The following ZNF521 variants were observed in gnomAD, a reference collection of about 807,000 sequenced individuals.
ZNF521 encodes zinc finger protein 521.
ZNF521 carries 14 observed loss-of-function variants against 105.5 expected under a neutral mutation model. That is an observed-to-expected ratio of 0.13 (90% CI 0.09 to 0.21). The LOEUF is 0.21. ZNF521 is among the 10% of genes least tolerant of loss of function. The pLI, the probability that ZNF521 is intolerant of heterozygous loss-of-function variation, is 1.00. For synonymous variants in ZNF521, 635 were observed against 606.0 expected, an observed-to-expected ratio of 1.05 and a Z score of -0.70; for missense variants, 1,233 against 1,629.7, an observed-to-expected ratio of 0.76 and a Z score of 4.19.
chr18:25,226,131 T>A lies in ZNF521; in HGVS notation c.1787A>T (p.His596Leu), dbSNP rs1906111358. The A allele has an allele frequency of 6.2e-7, 1 of 1,614,078 alleles. No homozygotes were observed. Reference protein sequence around the residue: ...KNIPLALNYIHNGKKSRALSP... With the variant: ...KNIPLALNYILNGKKSRALSP... ...TAAGGCCCTGGATTTCTTCCCATTG[T>A]GGATATAATTCAGGGCCAAGGGAAT... The change falls in exon 4 of 8, where the codon CAC becomes CTC. Residue 596 changes from histidine (H) to leucine (L), a missense_variant. Transcript: ENST00000361524. The surrounding 1 kb of genome is among the most constrained non-coding windows in gnomAD (Gnocchi z 4.1).
chr18:25,247,827 C>CA lies in ZNF521; in HGVS notation c.221-20131dup, dbSNP rs573203889. Among the ~76,000 whole-genome samples, 282 of 151,756 alleles carry CA rather than the reference C, an allele frequency of 1.9e-3. 1 individual carries two copies. Among genetic ancestry groups the CA allele is most frequent in the African/African-American group, 6.5e-3 (269 of 41,394 alleles). ...GCTATGGCAATGGTCCAGTGAGAGG[C>CA]AAAAAAACCTAAAGTGAAGGAGTAT... On this transcript the variant is annotated intron_variant, in intron 3 of 7. Transcript: ENST00000361524.
chr18:25,145,677 G>T (rs764830422), intron 5 of ZNF521, among the ~76,000 whole-genome samples: 33 of 152,176 alleles, frequency 2.2e-4, no homozygotes, highest in Middle Eastern at 3.4e-3. Context: ...AAGGACAAAA[G>T]ACTTAAGAAG....
At chr18:25,317,345 T>C (rs1912695317) in intron 3 of ZNF521, among the ~76,000 whole-genome samples, 1 of 152,218 alleles carries the variant, frequency 6.6e-6, no homozygotes, top group African/African-American at 2.4e-5. Context: ...TAAAGTTGTA[T>C]GAGACAGGAA....
chr18:25,099,155 T>C (rs546926197), intron 5 of ZNF521, among the ~76,000 whole-genome samples: 2 of 152,158 alleles, frequency 1.3e-5, no homozygotes, highest in Non-Finnish European at 2.9e-5. Context: ...CCTAGAACAG[T>C]ACATGGCTCA....
At chr18:25,289,068 G>C (rs189607315) in intron 3 of ZNF521, among the ~76,000 whole-genome samples, 19 of 152,094 alleles carry the variant, frequency 1.2e-4, no homozygotes, top group African/African-American at 4.3e-4. Flanking sequence ...ACAACATATG[G>C]CTTCCATTTA....
At chr18:25,350,566 G>A (rs1446703116) in intron 2 of ZNF521, among the ~76,000 whole-genome samples, 1 of 152,014 alleles carries the variant, frequency 6.6e-6, no homozygotes, top group Non-Finnish European at 1.5e-5. Flanking sequence ...CTCCAGCCCA[G>A]ATGTAGATCT....
chr18:25,125,769 T>C (rs1236641430), intron 5 of ZNF521, among the ~76,000 whole-genome samples: 1 of 151,844 alleles, frequency 6.6e-6, no homozygotes, highest in East Asian at 1.9e-4. Context: ...ATGATTTGGT[T>C]GTGGTTTTGC....
intron 7 of ZNF521, among the ~76,000 whole-genome samples, chr18:25,079,039 TTTAAG>T (rs1244306783): frequency 1.3e-5 from 2 of 152,216 alleles, no homozygotes; most frequent in Non-Finnish European, 2.9e-5. Flanking sequence ...CCACTGCTCT[TTTAAG>T]TGAAGTTCTG....
rs1233519214 is a variant in ZNF521 at position 25,205,936 on chromosome 18, C to T, written c.3574-10692G>A. Among the ~76,000 whole-genome samples, 3 of 152,144 alleles carry T rather than the reference C, an allele frequency of 2.0e-5. No individual in the cohort carries two copies. In the South Asian group the frequency reaches 6.2e-4, roughly 32 times the overall value. ...TCAGAATTATTTCAATAAAACTGAT[C>T]CTGAACAGCTATAAGCTCTTTAAGG... On this transcript the variant is annotated intron_variant, in intron 4 of 7. Coordinates refer to ENST00000361524, the MANE Select transcript of ZNF521 (RefSeq NM_015461.3).
At chr18:25,077,750 G>A (rs922725798) in intron 7 of ZNF521, among the ~76,000 whole-genome samples, 5 of 152,022 alleles carry the variant, frequency 3.3e-5, no homozygotes, top group Admixed American at 6.6e-5. Flanking sequence ...ATTGCAAATG[G>A]TACTGATTTT....
At chr18:25,245,854 A>G (rs528583913) in intron 3 of ZNF521, among the ~76,000 whole-genome samples, 2 of 152,234 alleles carry the variant, frequency 1.3e-5, no homozygotes, top group Non-Finnish European at 2.9e-5. Flanking sequence ...TCTACAAAAA[A>G]TTTAAAAATT....
At chr18:25,192,808 A>G (rs1018145995) in intron 5 of ZNF521, among the ~76,000 whole-genome samples, 3 of 152,036 alleles carry the variant, frequency 2.0e-5, no homozygotes, top group African/African-American at 7.2e-5. Context: ...GCACATTGGA[A>G]TTCTAAAAAG....
intron 3 of ZNF521, among the ~76,000 whole-genome samples, chr18:25,270,211 CT>C (rs1909558748): frequency 6.6e-6 from 1 of 151,992 alleles, no homozygotes; most frequent in African/African-American, 2.4e-5. Flanking sequence ...GGGACACAAA[CT>C]AAAGACTAAA....
chr18:25,160,368 T>A (rs1382982538), intron 5 of ZNF521, among the ~76,000 whole-genome samples: 3 of 152,180 alleles, frequency 2.0e-5, no homozygotes, highest in Non-Finnish European at 2.9e-5. Context: ...AGAGGGTGAA[T>A]GAATGATGCA....
chr18:25,152,810 G>A (rs1252753020), intron 5 of ZNF521, among the ~76,000 whole-genome samples: 2 of 152,030 alleles, frequency 1.3e-5, no homozygotes, highest in African/African-American at 2.4e-5. Context: ...GCTCTTCCGT[G>A]TTGTCTTCTA....
chr18:25,283,933 CAA>C (rs1555657973), intron 3 of ZNF521, among the ~76,000 whole-genome samples: 1 of 133,222 alleles, frequency 7.5e-6, no homozygotes, highest in Non-Finnish European at 1.6e-5. Context: ...CCCCCCCCCC[CAA>C]AAAAATTCAT....
intron 5 of ZNF521, among the ~76,000 whole-genome samples, chr18:25,117,093 C>A (rs2144330287): frequency 1.3e-5 from 1 of 76,076 alleles, no homozygotes; most frequent in South Asian, 3.8e-4. Flanking sequence ...ATACACACAT[C>A]CTTAATTAGA....
At position 25,343,686 on chromosome 18, in the gene ZNF521, T is replaced by C. The variant is rs188587012; in HGVS notation, c.40+7221A>G. 2.1e-3 allele frequency among the ~76,000 whole-genome samples: 314 copies of C among 152,264 alleles called. 2 individuals are homozygous for C. Among genetic ancestry groups the C allele is most frequent in the African/African-American group, 7.2e-3 (298 of 41,566 alleles). On this transcript the variant is annotated intron_variant, in intron 2 of 7. Transcript: ENST00000361524. ...CTTTATTTAAAAATAAGATTCAAAA[T>C]GAACACGTACCTAACACATACACAC...
At chr18:25,187,299 G>A (rs1159826228) in intron 5 of ZNF521, among the ~76,000 whole-genome samples, 1 of 152,104 alleles carries the variant, frequency 6.6e-6, no homozygotes, top group African/African-American at 2.4e-5. Context: ...TTTTATGTCA[G>A]CGAAAACAAG....
Sources: gnomAD v4.1 joint callset for allele counts (sites outside exome capture counted in the v4.1 genomes callset) on GRCh38, gnomAD v4.1.1 for gene constraint, Gnocchi (gnomAD v3.1) non-coding constraint, MANE v1.5 for transcripts, NCBI Gene and HGNC (gene_info 2026-07-23, HGNC 2026-07-21) for gene names.